The following AKAP13 variants were observed in gnomAD, a reference collection of about 807,000 sequenced individuals.
The protein encoded by AKAP13 is A-kinase anchoring protein 13, also known as A-kinase anchor protein 13.
A neutral mutation model predicts 264.5 loss-of-function variants in AKAP13; 80 were observed. The observed-to-expected ratio is 0.30, with a 90% CI of 0.25 to 0.36. AKAP13 has a LOEUF of 0.36. Among genes scored for constraint, AKAP13 ranks in the 10% least tolerant of loss-of-function variants. AKAP13 has a pLI of 1.00. For synonymous variants in AKAP13, 1,380 were observed against 1,250.2 expected, an observed-to-expected ratio of 1.10 and a Z score of -2.19; for missense variants, 3,712 against 3,435.2, an observed-to-expected ratio of 1.08 and a Z score of -2.01.
chr15:85,500,997 T>C (rs371482044), intron 2 of AKAP13, among the ~76,000 whole-genome samples: 1 of 152,308 alleles, frequency 6.6e-6, no homozygotes, highest in East Asian at 1.9e-4. Context: ...CATTCCTTTT[T>C]TGGTTCATGG....
intron 1 of AKAP13, among the ~76,000 whole-genome samples, chr15:85,432,098 C>CT (rs146022866): frequency 0.14 from 21,428 of 150,998 alleles, 1,863 homozygotes; most frequent in Non-Finnish European, 0.21. Flanking sequence ...GTTCTCATTT[C>CT]TTTTTTTTTA....
chr15:85,458,912 T>A (rs2074394615), intron 1 of AKAP13, among the ~76,000 whole-genome samples: 1 of 152,226 alleles, frequency 6.6e-6, no homozygotes, highest in African/African-American at 2.4e-5. Context: ...CTGGCTTCTT[T>A]CTAAATATTT....
Position 85,573,360 on chromosome 15 carries a change from T to C in AKAP13, c.663-1771T>C, listed in dbSNP as rs560205231. Among the ~76,000 whole-genome samples the C allele has an allele frequency of 4.6e-5, 7 of 152,160 alleles. No individual in the cohort carries two copies. The East Asian group carries it at 1.4e-3, about 29-fold the overall frequency. Reference sequence around the variant, plus strand: ...GAGTTCGAGATCAGCCTGGCCAATGTGGCAAAACCCCTGTCTCTACTAAAA... The same window carrying C: ...GAGTTCGAGATCAGCCTGGCCAATGCGGCAAAACCCCTGTCTCTACTAAAA... On this transcript the variant is annotated intron_variant, in intron 5 of 36. Transcript: ENST00000394518.
intron 16 of AKAP13, among the ~76,000 whole-genome samples, chr15:85,691,517 C>G (rs1448005282): frequency 6.6e-6 from 1 of 152,228 alleles, no homozygotes; most frequent in Non-Finnish European, 1.5e-5. Context: ...GCTTTGACAA[C>G]AGCCTCTCTT....
chr15:85,418,043 ATTAT>A (rs1191187809), intron 1 of AKAP13, among the ~76,000 whole-genome samples: 6 of 145,386 alleles, frequency 4.1e-5, no homozygotes, highest in Middle Eastern at 3.6e-3. Flanking sequence ...TACCATCTTC[ATTAT>A]TTATTATTAT....
At chr15:85,647,538 G>T (rs569724867) in intron 10 of AKAP13, among the ~76,000 whole-genome samples, 15 of 142,590 alleles carry the variant, frequency 1.1e-4, no homozygotes, top group African/African-American at 2.3e-4. Context: ...TTTTTTTTTT[G>T]AACTCATTGT....
chr15:85,662,356 A>G, intron 12 of AKAP13: 3 of 1,611,438 alleles, frequency 1.9e-6, no homozygotes, highest in East Asian at 4.5e-5. Flanking sequence ...TTCTCCCTGC[A>G]TTTCTGTTTC....
chr15:85,732,045 T>C (rs928800798), intron 30 of AKAP13, among the ~76,000 whole-genome samples: 1 of 145,666 alleles, frequency 6.9e-6, no homozygotes, highest in East Asian at 2.1e-4. Context: ...ATCGTATCAC[T>C]GCCCTCCAGA....
chr15:85,471,679 T>C (rs372723373), intron 1 of AKAP13, among the ~76,000 whole-genome samples: 1 of 152,068 alleles, frequency 6.6e-6, no homozygotes, highest in Admixed American at 6.5e-5. Flanking sequence ...TGTAATCGCC[T>C]CCCCCCATCC....
chr15:85,660,016 G>A (rs766567400), intron 12 of AKAP13, among the ~76,000 whole-genome samples: 9 of 152,092 alleles, frequency 5.9e-5, no homozygotes, highest in Non-Finnish European at 1.2e-4. Context: ...AAGGGCAGAC[G>A]TTGTAGACCA....
At chr15:85,524,831 C>G (rs1358966996) in intron 3 of AKAP13, among the ~76,000 whole-genome samples, 10 of 151,328 alleles carry the variant, frequency 6.6e-5, no homozygotes, top group East Asian at 3.9e-4. Context: ...GTGTGTGTGT[C>G]TGTCTGTCTG....
In AKAP13 at chr15:85,504,526, A is replaced by G. The variant is rs1255595715; in HGVS notation, c.34-16902A>G. On this transcript the variant is annotated intron_variant, in intron 2 of 36. Coordinates refer to ENST00000394518, the MANE Select transcript of AKAP13 (RefSeq NM_007200.5). ...TACAAAAAAAAAAAAAAAAAAAAAA[A>G]AAAAAAAAAGAAAAAATTAGCCAGG... Among the ~76,000 whole-genome samples, 2 of 145,984 alleles carry G rather than the reference A, an allele frequency of 1.4e-5. 1 individual carries two copies. The highest frequency in any genetic ancestry group is 5.2e-5 in the African/African-American group (2 of 38,634).
intron 10 of AKAP13, 21 bp from the exon 11 acceptor site, chr15:85,655,396 T>C (rs1314431265): frequency 1.9e-6 from 3 of 1,604,704 alleles, no homozygotes; most frequent in Non-Finnish European, 2.6e-6. Flanking sequence ...TTCAACCATA[T>C]GTGCTTTCTC....
In AKAP13 at chr15:85,718,310, C is replaced by T. The variant is rs565785802; in HGVS notation, c.6001+151C>T. The T allele has an allele frequency of 1.1e-6, 1 of 893,290 alleles. No homozygotes were observed. The highest frequency in any genetic ancestry group is 1.7e-5 in the African/African-American group (1 of 59,022). 55.3% of individuals were successfully genotyped at this position (893,290 alleles called of 1,614,324 possible). A position where few individuals can be genotyped will look rare whatever the true frequency, so the allele number is the denominator to read the frequency against. On this transcript the variant is annotated intron_variant, in intron 22 of 36. Transcript: ENST00000394518. The surrounding 1 kb of genome is among the most constrained non-coding windows in gnomAD (Gnocchi z 4.9). ...AAACTTTAAGGTACAGAGACGTGGT[C>T]CTGTTGGTATCCTATCTCCTTTTTG...
At chr15:85,437,644 G>A (rs930502387) in intron 1 of AKAP13, among the ~76,000 whole-genome samples, 6 of 152,000 alleles carry the variant, frequency 3.9e-5, no homozygotes, top group Admixed American at 6.6e-5. Flanking sequence ...GCTTCATCCC[G>A]GGATGCAAGG....
intron 5 of AKAP13, among the ~76,000 whole-genome samples, chr15:85,572,695 G>A (rs540302141): frequency 6.6e-6 from 1 of 152,092 alleles, no homozygotes; most frequent in Admixed American, 6.5e-5. Flanking sequence ...TACACTGTAA[G>A]TTCTGGGATG....
Position 85,655,660 on chromosome 15 carries a change from A to G in AKAP13, c.4618A>G (p.Ser1540Gly), listed in dbSNP as rs769488593. 96 of 1,614,118 alleles carry G rather than the reference A, an allele frequency of 5.9e-5. No homozygotes were observed. The highest frequency in any genetic ancestry group is 7.5e-5 in the Non-Finnish European group (89 of 1,180,046). ...PGDVEEEEMD[S>G]ITEVPANCSV... is the part of the protein sequence containing the mutation. ...CGACGTGGAGGAGGAGGAGATGGAC[A>G]GTATCACTGAAGTGCCTGCAAACTG... is the stretch of plus-strand genomic sequence containing the variant. Residue 1540 changes from serine to glycine, a missense_variant, in exon 11 of 37, where the codon AGT (serine) becomes GGT (glycine). Transcript: ENST00000394518.
At chr15:85,403,697 C>T (rs150057539) in intron 1 of AKAP13, among the ~76,000 whole-genome samples, 23 of 151,902 alleles carry the variant, frequency 1.5e-4, no homozygotes, top group African/African-American at 5.3e-4. Context: ...AAAAATTAGC[C>T]GGGCGTGGTG....
At chr15:85,497,997 CA>C (rs1164978399) in intron 2 of AKAP13, among the ~76,000 whole-genome samples, 5 of 151,904 alleles carry the variant, frequency 3.3e-5, no homozygotes, top group African/African-American at 1.2e-4. Flanking sequence ...GCAGGAAGAA[CA>C]TATGGATTTT....
Sources: allele counts gnomAD v4.1 joint callset (sites outside exome capture counted in the v4.1 genomes callset), GRCh38; gene constraint gnomAD v4.1.1; non-coding constraint Gnocchi (gnomAD v3.1); transcripts MANE v1.5; gene names NCBI Gene and HGNC (gene_info 2026-07-23, HGNC 2026-07-21).